The following NDST4 variants were observed in gnomAD, a reference collection of about 807,000 sequenced individuals.
The protein encoded by NDST4 is N-heparan sulfate sulfotransferase 4.
NDST4 carries 63 observed loss-of-function variants against 100.8 expected under a neutral mutation model. That is an observed-to-expected ratio of 0.62 (90% CI 0.51 to 0.77). The LOEUF (loss-of-function observed/expected upper bound fraction) is 0.77, where lower values mean the gene tolerates loss of function less well. NDST4 is among the 30% of genes least tolerant of loss of function. The pLI is 0.00. For synonymous variants in NDST4, 377 were observed against 361.8 expected, an observed-to-expected ratio of 1.04 and a Z score of -0.48; for missense variants, 943 against 1,018.4, an observed-to-expected ratio of 0.93 and a Z score of 1.01.
At chr4:114,866,036 C>G (rs1673689383) in intron 7 of NDST4, among the ~76,000 whole-genome samples, 1 of 152,320 alleles carries the variant, frequency 6.6e-6, no homozygotes, top group Admixed American at 6.5e-5. Flanking sequence ...AATCTGTCCT[C>G]TCTCATCTGT....
chr4:115,017,282 C>CT (rs1727698995), intron 2 of NDST4, among the ~76,000 whole-genome samples: 1 of 151,982 alleles, frequency 6.6e-6, no homozygotes, highest in Non-Finnish European at 1.5e-5. Context: ...AGATGGATTG[C>CT]TAAGGATTCT....
chr4:115,083,205 C>A (rs561660374), intron 1 of NDST4, among the ~76,000 whole-genome samples: 1 of 152,250 alleles, frequency 6.6e-6, no homozygotes, highest in East Asian at 1.9e-4. Context: ...AATTCCAGCA[C>A]TTTGGGAGTC....
chr4:115,055,677 A>T (rs1364659599), intron 2 of NDST4, among the ~76,000 whole-genome samples: 1 of 152,178 alleles, frequency 6.6e-6, no homozygotes. Context: ...GTTTAATTTG[A>T]GTCTGTATTT....
intron 11 of NDST4, among the ~76,000 whole-genome samples, chr4:114,838,830 C>CAA (rs57686472): frequency 6.8e-6 from 1 of 147,400 alleles, no homozygotes; most frequent in Non-Finnish European, 1.5e-5. Context: ...AAGATCAATA[C>CAA]AAAAAAAAAT....
intron 6 of NDST4, among the ~76,000 whole-genome samples, chr4:114,903,600 G>A (rs577270598): frequency 6.6e-6 from 1 of 152,088 alleles, no homozygotes; most frequent in East Asian, 1.9e-4. Context: ...TGAGGGCAGA[G>A]GTATGCCCTG....
chr4:114,971,469 TAG>T lies in NDST4; in HGVS notation c.1067-887_1067-886del, dbSNP rs527307612. Among the ~76,000 whole-genome samples, 485 of 152,210 alleles carry T rather than the reference TAG, an allele frequency of 3.2e-3. 3 individuals are homozygous for T. Among genetic ancestry groups the T allele is most frequent in the Non-Finnish European group, 3.9e-3 (268 of 67,978 alleles). On this transcript the variant is annotated intron_variant, in intron 3 of 13. Transcript: ENST00000264363. ...CCAAGAATATCCACAAATGAAATGA[TAG>T]AGTTTTCGTATGATTTTGTACAATT...
At chr4:114,998,882 C>T (rs1727221488) in intron 2 of NDST4, among the ~76,000 whole-genome samples, 1 of 152,020 alleles carries the variant, frequency 6.6e-6, no homozygotes, top group Non-Finnish European at 1.5e-5. Context: ...CCTCATCCAC[C>T]AAGCCTCATG....
intron 2 of NDST4, among the ~76,000 whole-genome samples, chr4:115,044,267 T>C (rs998070869): frequency 1.3e-5 from 2 of 152,082 alleles, no homozygotes; most frequent in Admixed American, 6.6e-5. Context: ...TACAGTAACA[T>C]ATATCTTTTA....
chr4:115,063,784 T>C (rs1253175590), intron 2 of NDST4, among the ~76,000 whole-genome samples: 1 of 151,954 alleles, frequency 6.6e-6, no homozygotes, highest in Non-Finnish European at 1.5e-5. Context: ...TTATAAAAGA[T>C]TGCTTTTTTA....
intron 2 of NDST4, among the ~76,000 whole-genome samples, chr4:115,064,849 T>C (rs1044630012): frequency 6.6e-6 from 1 of 152,148 alleles, no homozygotes; most frequent in African/African-American, 2.4e-5. Context: ...GTGTTAAGCA[T>C]GATGATTTCT....
intron 6 of NDST4, among the ~76,000 whole-genome samples, chr4:114,876,014 TGTGCCTTACA>T (rs1298934146): frequency 2.0e-5 from 3 of 152,210 alleles, no homozygotes; most frequent in African/African-American, 7.2e-5. Flanking sequence ...TACTTAGTCC[TGTGCCTTACA>T]GTGCCTTTAA....
At chr4:115,095,068 C>T (rs1335328738) in intron 1 of NDST4, among the ~76,000 whole-genome samples, 2 of 152,112 alleles carry the variant, frequency 1.3e-5, no homozygotes, top group African/African-American at 2.4e-5. Context: ...CCAAGAATTC[C>T]AGCCCTTCTT....
chr4:114,867,665 C>CAAAAAAAA, intron 7 of NDST4, among the ~76,000 whole-genome samples: 36 of 79,902 alleles, frequency 4.5e-4, no homozygotes, highest in Admixed American at 7.1e-4. Context: ...AAAAAAAAAG[C>CAAAAAAAA]AAAAAAAAAA....
intron 2 of NDST4, among the ~76,000 whole-genome samples, chr4:115,002,539 C>T (rs192603130): frequency 1.5e-3 from 225 of 152,252 alleles, no homozygotes; most frequent in African/African-American, 5.1e-3. Flanking sequence ...GTTGCAATTG[C>T]TTTTGGTGTT....
At chr4:114,968,365 T>C (rs981193923) in intron 4 of NDST4, among the ~76,000 whole-genome samples, 1 of 152,184 alleles carries the variant, frequency 6.6e-6, no homozygotes, top group Non-Finnish European at 1.5e-5. Context: ...CCCTTTGTGA[T>C]TGTATGTCCC....
chr4:114,849,180 A>G (rs139349322), intron 8 of NDST4, among the ~76,000 whole-genome samples: 2 of 152,222 alleles, frequency 1.3e-5, no homozygotes, highest in Non-Finnish European at 2.9e-5. Context: ...CACATTGCAG[A>G]GGTCTCAAAT....
chr4:114,945,018 TA>T (rs1285730153), intron 4 of NDST4, among the ~76,000 whole-genome samples: 1 of 151,942 alleles, frequency 6.6e-6, no homozygotes, highest in Non-Finnish European at 1.5e-5. Context: ...GAGACCAGCC[TA>T]ACCGACATGG....
At chr4:114,956,531 G>T (rs549735832) in intron 4 of NDST4, among the ~76,000 whole-genome samples, 1 of 152,270 alleles carries the variant, frequency 6.6e-6, no homozygotes, top group East Asian at 1.9e-4. Context: ...CACTCTTTGG[G>T]TCAGTAAAAG....
chr4:114,829,703 A>G (rs1185703717), intron 13 of NDST4, 87 bp downstream of exon 13: 1 of 885,278 alleles, frequency 1.1e-6, no homozygotes. Context: ...AGAGCAGAAA[A>G]AGGAAGCAAA....
Sources: allele counts gnomAD v4.1 joint callset (sites outside exome capture counted in the v4.1 genomes callset), GRCh38; gene constraint gnomAD v4.1.1; transcripts MANE v1.5; gene names NCBI Gene and HGNC (gene_info 2026-07-23, HGNC 2026-07-21).